Variants in VPS13B observed in about 807,000 individuals in gnomAD.
VPS13B encodes the protein intermembrane lipid transfer protein VPS13B.
VPS13B carries 285 observed loss-of-function variants against 426.4 expected under a neutral mutation model. The ratio of observed to expected loss-of-function variants is 0.67; its 90% CI spans 0.61 to 0.74. The LOEUF (loss-of-function observed/expected upper bound fraction) is 0.74, where lower values mean the gene tolerates loss of function less well. Among genes scored for constraint, VPS13B ranks in the 30% least tolerant of loss-of-function variants. The pLI is 0.00. For missense variants in VPS13B, 4,537 were observed against 4,782.6 expected (o/e 0.95, Z 1.51); for synonymous variants, 1,676 against 1,676.4 (o/e 1.00, Z 0.01).
chr8:99,871,249 T>G (rs1454190237), intron 60 of VPS13B, 199 bp from the exon 61 acceptor site: 6 of 816,048 alleles, frequency 7.4e-6, no homozygotes, highest in Non-Finnish European at 1.2e-5. Context: ...AGGGAAATCT[T>G]TGTTCCCAGG....
intron 19 of VPS13B, among the ~76,000 whole-genome samples, chr8:99,382,986 T>TA (rs776861957): frequency 3.3e-5 from 5 of 152,182 alleles, no homozygotes; most frequent in Non-Finnish European, 5.9e-5. Flanking sequence ...AATTGACAAA[T>TA]ATCCCTTCCC....
intron 59 of VPS13B, among the ~76,000 whole-genome samples, chr8:99,869,729 T>C (rs1036415166): frequency 4.6e-5 from 7 of 152,186 alleles, no homozygotes; most frequent in Non-Finnish European, 8.8e-5. Flanking sequence ...AATGCTCCCT[T>C]ATGTAAGAGG....
At chr8:99,600,723 T>C (rs939731151) in intron 33 of VPS13B, among the ~76,000 whole-genome samples, 10 of 152,202 alleles carry the variant, frequency 6.6e-5, no homozygotes, top group African/African-American at 2.4e-4. Context: ...AGCACATGTA[T>C]TGAAGCAGAG....
At chr8:99,445,020 T>TA (rs1279228194) in intron 23 of VPS13B, among the ~76,000 whole-genome samples, 1 of 152,136 alleles carries the variant, frequency 6.6e-6, no homozygotes, top group African/African-American at 2.4e-5. Flanking sequence ...GGTTTCACCA[T>TA]ATTGGCCAGG....
At chr8:99,134,863 T>G in intron 9 of VPS13B, 136 bp downstream of exon 9, 2 of 1,171,418 alleles carry the variant, frequency 1.7e-6, no homozygotes, top group Non-Finnish European at 2.4e-6. Flanking sequence ...GAGTTTACTA[T>G]CTCATGGATA....
At chr8:99,308,486 A>G (rs982724505) in intron 19 of VPS13B, among the ~76,000 whole-genome samples, 4 of 152,154 alleles carry the variant, frequency 2.6e-5, no homozygotes, top group African/African-American at 9.7e-5. Context: ...AGCTTCATCC[A>G]TGTCCCTACA....
rs140090983 is a variant in VPS13B, at chr8:99,431,658, A to G, written c.3204A>G (p.Thr1068=). The G allele has an allele frequency of 4.4e-5, 71 of 1,612,888 alleles. No homozygotes were observed. In the Admixed American group the frequency reaches 8.3e-4, roughly 19 times the overall value. Residue 1068 remains threonine, a synonymous_variant, in exon 22 of 62, where the codon ACA becomes ACG. Coordinates refer to ENST00000357162, the MANE Select transcript of VPS13B (RefSeq NM_152564.5). ...GIVWNAVKHL[T]LQLEVQSCCV... ...TTTGGAATGCAGTGAAGCATCTCACACTACAGGTAAAATAAAAGTTAGAAA... is the reference window on the plus strand; with the variant it reads ...TTTGGAATGCAGTGAAGCATCTCACGCTACAGGTAAAATAAAAGTTAGAAA...
chr8:99,151,804 T>A (rs1178279448), intron 14 of VPS13B, among the ~76,000 whole-genome samples: 7 of 152,084 alleles, frequency 4.6e-5, no homozygotes, highest in African/African-American at 7.2e-5. Context: ...AAGTACTGGG[T>A]TTATAGGCGT....
At chr8:99,802,472 T>A (rs1464564305) in intron 43 of VPS13B, among the ~76,000 whole-genome samples, 1 of 152,170 alleles carries the variant, frequency 6.6e-6, no homozygotes, top group Non-Finnish European at 1.5e-5. Context: ...TTAATAACAT[T>A]TTTGTCTGAT....
At chr8:99,361,907 C>T (rs1016830242) in intron 19 of VPS13B, among the ~76,000 whole-genome samples, 1 of 152,106 alleles carries the variant, frequency 6.6e-6, no homozygotes, top group African/African-American at 2.4e-5. Context: ...TTCATAACAA[C>T]CCTACAAGTT....
intron 39 of VPS13B, among the ~76,000 whole-genome samples, chr8:99,762,090 A>C (rs1319536638): frequency 6.6e-6 from 1 of 151,980 alleles, no homozygotes; most frequent in Non-Finnish European, 1.5e-5. Flanking sequence ...CAGTGGCACA[A>C]TCATGGCTCA....
chr8:99,312,649 G>C (rs1323537358), intron 19 of VPS13B, among the ~76,000 whole-genome samples: 3 of 152,040 alleles, frequency 2.0e-5, no homozygotes, highest in African/African-American at 7.2e-5. Context: ...TATGTGTCTT[G>C]GAGTTGCTCC....
At position 99,337,911 on chromosome 8, in the gene VPS13B, T is replaced by G. The variant is rs544405821; in HGVS notation, c.2825-46297T>G. Among the ~76,000 whole-genome samples, 17 of 152,042 alleles carry G rather than the reference T, an allele frequency of 1.1e-4. 1 individual carries two copies. The South Asian group carries it at 2.1e-3, about 19-fold the overall frequency. ...TGTGAGGTAGAGATCAAGTTTTTGTTTTTTTTTTCTCATTCATCCAGTTAT... is the reference window on the plus strand; with the variant it reads ...TGTGAGGTAGAGATCAAGTTTTTGTGTTTTTTTTCTCATTCATCCAGTTAT... On this transcript the variant is annotated intron_variant, in intron 19 of 61. Coordinates refer to ENST00000357162, the MANE Select transcript of VPS13B (RefSeq NM_152564.5).
At chr8:99,527,345 A>G (rs1294923416) in intron 30 of VPS13B, among the ~76,000 whole-genome samples, 1 of 152,158 alleles carries the variant, frequency 6.6e-6, no homozygotes, top group Non-Finnish European at 1.5e-5. Flanking sequence ...AACAGAACAT[A>G]CATAACATGT....
rs1019794567 is a variant in VPS13B at position 99,047,536 on chromosome 8, A to G, written c.291+8970A>G. On this transcript the variant is annotated intron_variant, in intron 3 of 61. Coordinates refer to ENST00000357162, the MANE Select transcript of VPS13B (RefSeq NM_152564.5). The stretch of plus-strand genomic sequence containing the variant: ...TTGTTTCAGTTTAATTTATTTCTGC[A>G]CTGATCTTGGTTATTTCCTTTCTTC... 4.0e-5 allele frequency among the ~76,000 whole-genome samples: 6 copies of G among 151,736 alleles called. No individual in the cohort carries two copies. In the East Asian group the frequency reaches 1.2e-3, roughly 29 times the overall value.
chr8:99,256,886 A>G (rs1168426116), intron 17 of VPS13B, among the ~76,000 whole-genome samples: 1 of 152,088 alleles, frequency 6.6e-6, no homozygotes, highest in Admixed American at 6.6e-5. Context: ...TTGAATATGT[A>G]TATATTTGTG....
intron 34 of VPS13B, 72 bp downstream of exon 34, chr8:99,642,570 T>G: frequency 2.2e-6 from 3 of 1,372,128 alleles, no homozygotes; most frequent in Non-Finnish European, 3.0e-6. Flanking sequence ...AGTTTCCAGA[T>G]TGATTAAACA....
intron 19 of VPS13B, among the ~76,000 whole-genome samples, chr8:99,292,900 T>C (rs948859026): frequency 4.6e-5 from 7 of 152,166 alleles, no homozygotes; most frequent in African/African-American, 1.7e-4. Context: ...TTTGTGCTTC[T>C]TATTTAGCTT....
At chr8:99,203,522 G>A (rs1033109158) in intron 17 of VPS13B, among the ~76,000 whole-genome samples, 11 of 152,110 alleles carry the variant, frequency 7.2e-5, no homozygotes, top group Admixed American at 6.5e-5. Context: ...GGATAATCAG[G>A]CAAGAATAAG....
Sources: allele counts gnomAD v4.1 joint callset (sites outside exome capture counted in the v4.1 genomes callset), GRCh38; gene constraint gnomAD v4.1.1; transcripts MANE v1.5; gene names NCBI Gene and HGNC (gene_info 2026-07-23, HGNC 2026-07-21).